Variants in HECTD2 observed in about 807,000 individuals in gnomAD.
The protein encoded by HECTD2 is probable E3 ubiquitin-protein ligase HECTD2.
HECTD2 carries 35 observed loss-of-function variants against 103.2 expected under a neutral mutation model. The ratio of observed to expected loss-of-function variants is 0.34; its 90% CI spans 0.26 to 0.45. The LOEUF is 0.45. Ranked by LOEUF, HECTD2 falls within the 20% of genes least tolerant of loss-of-function variation. HECTD2 has a pLI of 1.00. For missense variants in HECTD2, 596 were observed against 937.4 expected, an observed-to-expected ratio of 0.64 and a Z score of 4.76; for synonymous variants, 281 against 329.9, an observed-to-expected ratio of 0.85 and a Z score of 1.61.
intron 11 of HECTD2, among the ~76,000 whole-genome samples, chr10:91,490,365 T>C (rs1391685091): frequency 6.6e-6 from 1 of 152,140 alleles, no homozygotes; most frequent in Non-Finnish European, 1.5e-5. Flanking sequence ...CTGTATAAAA[T>C]ATGTTCTAAG....
At chr10:91,455,075 A>G (rs1211793244) in intron 2 of HECTD2, among the ~76,000 whole-genome samples, 3 of 149,160 alleles carry the variant, frequency 2.0e-5, no homozygotes, top group East Asian at 2.0e-4. Flanking sequence ...AATCCTTTGA[A>G]TATATACCCA....
intron 20 of HECTD2, among the ~76,000 whole-genome samples, chr10:91,503,225 G>A (rs557731878): frequency 5.9e-5 from 9 of 152,116 alleles, no homozygotes; most frequent in Non-Finnish European, 1.2e-4. Context: ...ATCTCACAGC[G>A]GTCAGAATGG....
chr10:91,497,126 ATTTTTTT>A (rs56923120), intron 15 of HECTD2, among the ~76,000 whole-genome samples: 2 of 97,358 alleles, frequency 2.1e-5, no homozygotes, highest in Non-Finnish European at 3.8e-5. Context: ...TGCCCGGCAA[ATTTTTTT>A]TTTTTTTTTT....
intron 8 of HECTD2, chr10:91,484,242 C>T: frequency 1.4e-6 from 1 of 738,186 alleles, no homozygotes; most frequent in Non-Finnish European, 2.1e-6. Context: ...AATATAGAAT[C>T]TGTGAATAAT....
chr10:91,450,657 A>ACT (rs1844773558), intron 2 of HECTD2, among the ~76,000 whole-genome samples: 1 of 151,626 alleles, frequency 6.6e-6, no homozygotes, highest in Non-Finnish European at 1.5e-5. Flanking sequence ...AGAATCTACA[A>ACT]GGAAGTTAAA....
intron 20 of HECTD2, among the ~76,000 whole-genome samples, chr10:91,510,731 A>G (rs1327102834): frequency 6.6e-6 from 1 of 152,178 alleles, no homozygotes; most frequent in African/African-American, 2.4e-5. Flanking sequence ...CTGAGTTGGC[A>G]TTTTCATTTT....
intron 2 of HECTD2, among the ~76,000 whole-genome samples, chr10:91,437,082 T>G (rs528955948): frequency 6.6e-6 from 1 of 152,204 alleles, no homozygotes; most frequent in Non-Finnish European, 1.5e-5. Context: ...TTTATACATG[T>G]TCCAGTATCT....
chr10:91,424,936 TACAC>T (rs1843499764), intron 1 of HECTD2, among the ~76,000 whole-genome samples: 1 of 152,078 alleles, frequency 6.6e-6, no homozygotes, highest in Non-Finnish European at 1.5e-5. Context: ...ATTATTTAAA[TACAC>T]AGTTAAAATT....
intron 5 of HECTD2, among the ~76,000 whole-genome samples, chr10:91,471,328 A>G (rs1249878571): frequency 6.6e-6 from 1 of 152,214 alleles, no homozygotes; most frequent in Non-Finnish European, 1.5e-5. Context: ...CCTCAAAATA[A>G]TAGGAATCGT....
At chr10:91,450,651 T>C (rs1182595357) in intron 2 of HECTD2, among the ~76,000 whole-genome samples, 4 of 150,376 alleles carry the variant, frequency 2.7e-5, no homozygotes, top group Non-Finnish European at 5.9e-5. Context: ...ATATCCAGAA[T>C]CTACAAGGAA....
At chr10:91,430,634 TGGCC>T (rs1843816501) in intron 2 of HECTD2, among the ~76,000 whole-genome samples, 1 of 152,232 alleles carries the variant, frequency 6.6e-6, no homozygotes, top group South Asian at 2.1e-4. Flanking sequence ...CATTATGTAA[TGGCC>T]TTCTTTGTCT....
intron 2 of HECTD2, among the ~76,000 whole-genome samples, chr10:91,455,485 T>C (rs557693257): frequency 6.6e-6 from 1 of 152,324 alleles, no homozygotes; most frequent in East Asian, 1.9e-4. Context: ...ATTTGTCAGA[T>C]GAGTAGATTG....
chr10:91,505,527 G>C (rs1847120640), intron 20 of HECTD2, among the ~76,000 whole-genome samples: 2 of 151,738 alleles, frequency 1.3e-5, no homozygotes, highest in South Asian at 4.2e-4. Flanking sequence ...AGACAAAGAA[G>C]GCCATTACAT....
Position 91,456,129 on chromosome 10 carries a change from TG to T in HECTD2, c.269-4291del, listed in dbSNP as rs890507923. 5.9e-5 allele frequency among the ~76,000 whole-genome samples: 9 copies of T among 152,186 alleles called. No individual in the cohort carries two copies. In the East Asian group the frequency reaches 7.7e-4, roughly 13 times the overall value. ...GTGAAGAAAGCCATTGGTAGCCTGA[TG>T]GGGGGGTGGCATTGAATCTATAAAT... On this transcript the variant is annotated intron_variant, in intron 2 of 20. Transcript: ENST00000298068.
chr10:91,506,323 A>C (rs1049856805), intron 20 of HECTD2, among the ~76,000 whole-genome samples: 1 of 151,704 alleles, frequency 6.6e-6, no homozygotes, highest in Non-Finnish European at 1.5e-5. Flanking sequence ...CAATAAACTA[A>C]TGAATCCAGG....
chr10:91,493,705 G>A (rs1239401009), intron 14 of HECTD2, among the ~76,000 whole-genome samples, 197 bp downstream of exon 14: 1 of 151,744 alleles, frequency 6.6e-6, no homozygotes, highest in East Asian at 1.9e-4. Flanking sequence ...ATGAGAGTTT[G>A]ATTTTTTTCT....
intron 20 of HECTD2, among the ~76,000 whole-genome samples, chr10:91,502,483 AAG>A (rs1403820594): frequency 1.3e-5 from 2 of 152,360 alleles, no homozygotes; most frequent in East Asian, 3.9e-4. Context: ...TTCTTCAAGA[AAG>A]AGGTTATGCC....
At chr10:91,486,429 T>A (rs1846268907) in intron 10 of HECTD2, 1 of 152,168 alleles carries the variant, frequency 6.6e-6, no homozygotes, top group African/African-American at 2.4e-5. Flanking sequence ...GACAACAACA[T>A]CTTTTAATAT....
intron 11 of HECTD2, among the ~76,000 whole-genome samples, chr10:91,490,687 C>T (rs369190834): frequency 1.3e-4 from 19 of 151,104 alleles, no homozygotes; most frequent in African/African-American, 4.1e-4. Context: ...GTCAGGAGAT[C>T]GAGACCATCC....
Sources: gnomAD v4.1 joint callset for allele counts (sites outside exome capture counted in the v4.1 genomes callset) on GRCh38, gnomAD v4.1.1 for gene constraint, MANE v1.5 for transcripts, NCBI Gene and HGNC (gene_info 2026-07-23, HGNC 2026-07-21) for gene names.